The following ABCA12 variants were observed in gnomAD, a reference collection of about 807,000 sequenced individuals.
The protein encoded by ABCA12 is glucosylceramide transporter ABCA12.
In ABCA12, 156 loss-of-function variants were observed where a neutral mutation model predicts 293.5. The observed-to-expected ratio is 0.53, with a 90% CI of 0.47 to 0.61. The LOEUF (loss-of-function observed/expected upper bound fraction) is 0.61. ABCA12 is among the 20% of genes least tolerant of loss of function. ABCA12 has a pLI of 0.00. For synonymous variants in ABCA12, 1,063 were observed against 1,108.0 expected (o/e 0.96, Z 0.81); for missense variants, 2,797 against 3,090.2 (o/e 0.91, Z 2.25).
At chr2:214,960,327 A>G (rs1023657768) in intron 39 of ABCA12, 3 of 152,104 alleles carry the variant, frequency 2.0e-5, no homozygotes, top group African/African-American at 7.2e-5. Context: ...CTCTACTTAA[A>G]CCCTAATGGT....
At chr2:215,134,257 T>A (rs1422671911) in intron 1 of ABCA12, among the ~76,000 whole-genome samples, 1 of 148,660 alleles carries the variant, frequency 6.7e-6, no homozygotes, top group Non-Finnish European at 1.5e-5. Context: ...TATATGTATA[T>A]ATGTACATAT....
intron 48 of ABCA12, among the ~76,000 whole-genome samples, chr2:214,945,914 T>G (rs1698567237): frequency 6.6e-6 from 1 of 152,130 alleles, no homozygotes; most frequent in African/African-American, 2.4e-5. Flanking sequence ...TAATGGTTAC[T>G]GGAGGCTGGA....
chr2:215,127,393 T>C (rs907312040), intron 1 of ABCA12, among the ~76,000 whole-genome samples: 1 of 152,204 alleles, frequency 6.6e-6, no homozygotes, highest in Non-Finnish European at 1.5e-5. Context: ...AGTGGAGTAC[T>C]GAAGTCCCCC....
chr2:214,934,197 G>C lies in ABCA12; in HGVS notation c.7561C>G (p.Leu2521Val). ...TYLKDQHLSMLEYHVPVTAGG... is the reference protein window; with the variant it reads ...TYLKDQHLSMVEYHVPVTAGG... ...GCTGTGACTGGTACATGATACTCTA[G>C]CATGCTGAGGTGCTGATCCTGTGGG... Residue 2521 changes from leucine to valine, a missense_variant, in exon 52 of 53, where the codon CTA becomes GTA. Physicochemically the swap from Leu to Val is conservative, Grantham distance 32 (BLOSUM62 1). This residue lies in a region of ABCA12 where 2,130 missense variants were observed against 2,427.0 expected (regional missense o/e 0.88). Transcript: ENST00000272895. 1 of 1,613,702 alleles carries C rather than the reference G, an allele frequency of 6.2e-7. No individual in the cohort carries two copies. The highest frequency in any genetic ancestry group is 8.5e-7 in the Non-Finnish European group (1 of 1,179,736).
chr2:215,101,761 T>G (rs550176300), intron 2 of ABCA12, among the ~76,000 whole-genome samples: 1 of 152,128 alleles, frequency 6.6e-6, no homozygotes, highest in South Asian at 2.1e-4. Flanking sequence ...GAAAAGAAAA[T>G]GGAGGATTGA....
Position 214,978,447 on chromosome 2 carries a change from T to C in ABCA12, c.4997A>G (p.Lys1666Arg). 4.3e-6 allele frequency: 7 copies of C among 1,613,734 alleles called. No homozygotes were observed. The highest frequency in any genetic ancestry group is 5.9e-6 in the Non-Finnish European group (7 of 1,179,810). Reference sequence around the variant, plus strand: ...CATAGCACTATTTTTTTGTGACTCTTTGGTCAAGTTCAGAAAGACCTAGAA... The same window carrying C: ...CATAGCACTATTTTTTTGTGACTCTCTGGTCAAGTTCAGAAAGACCTAGAA... The part of the protein sequence containing the change: ...TVEEVFLNLT[K>R]ESQKNSAMSL... Residue 1666 changes from lysine to arginine, a missense_variant, in exon 33 of 53, where the codon AAA becomes AGA. By Grantham distance (26) the Lys-to-Arg change is conservative. Around this residue, in one of 3 missense-constraint regions of ABCA12, gnomAD observed 2,130 missense variants for 2,427.0 expected, o/e 0.88. Transcript: ENST00000272895.
chr2:215,129,297 T>C (rs1323663952), intron 1 of ABCA12, among the ~76,000 whole-genome samples: 1 of 152,180 alleles, frequency 6.6e-6, no homozygotes, highest in African/African-American at 2.4e-5. Flanking sequence ...AGCAGTCCAC[T>C]TCCTTCAGAA....
intron 18 of ABCA12, among the ~76,000 whole-genome samples, chr2:215,009,553 T>C (rs543757804): frequency 1.3e-5 from 2 of 152,266 alleles, no homozygotes; most frequent in African/African-American, 4.8e-5. Context: ...TAGGAATATA[T>C]AGTCAGTAAA....
chr2:215,070,044 C>T (rs998209480), intron 2 of ABCA12, among the ~76,000 whole-genome samples: 2 of 152,144 alleles, frequency 1.3e-5, no homozygotes, highest in South Asian at 2.1e-4. Flanking sequence ...TTATGTTTAT[C>T]GTTTGTAGGA....
intron 29 of ABCA12, 63 bp from the exon 30 acceptor site, chr2:214,982,446 A>G (rs1302157329): frequency 7.2e-7 from 1 of 1,393,250 alleles, no homozygotes; most frequent in Non-Finnish European, 1.0e-6. Context: ...CTGGAAACAT[A>G]CAATAACCCT....
chr2:215,004,099 G>C, intron 20 of ABCA12, 110 bp downstream of exon 20: 2 of 891,132 alleles, frequency 2.2e-6, no homozygotes, highest in Non-Finnish European at 1.8e-6. Context: ...TGAGTAGCTA[G>C]CTACAAACTA....
In ABCA12 at chr2:214,974,185, AC is replaced by A. The variant is rs1253072579; in HGVS notation, c.5469-144del. On this transcript the variant is annotated intron_variant, in intron 35 of 52. Coordinates refer to ENST00000272895, the MANE Select transcript of ABCA12 (RefSeq NM_173076.3). ...TACTGATTTTTCATAACTTCAGTGT[AC>A]ATTGCTCCACCATTTCCAAATGATT... The A allele has an allele frequency of 2.0e-5, 15 of 766,362 alleles. No individual in the cohort carries two copies. In the Admixed American group the frequency reaches 3.1e-4, roughly 16 times the overall value. The allele number at this position is 766,362 out of a possible 1,614,324, so 47.5% of individuals were successfully genotyped here. A position where few individuals can be genotyped will look rare whatever the true frequency, so the allele number is the denominator to read the frequency against.
At chr2:215,054,813 A>G (rs945580803) in intron 3 of ABCA12, 149 bp from the exon 4 acceptor site, 10 of 641,728 alleles carry the variant, frequency 1.6e-5, no homozygotes, top group South Asian at 1.0e-4. Flanking sequence ...TCACCTAACC[A>G]CACACCAATG....
intron 2 of ABCA12, among the ~76,000 whole-genome samples, chr2:215,083,039 A>G (rs1467932164): frequency 6.6e-6 from 1 of 152,194 alleles, no homozygotes; most frequent in Non-Finnish European, 1.5e-5. Flanking sequence ...CCACGAAGTC[A>G]TTCTGTATAT....
At chr2:215,077,514 G>C (rs1374270622) in intron 2 of ABCA12, among the ~76,000 whole-genome samples, 4 of 152,012 alleles carry the variant, frequency 2.6e-5, no homozygotes, top group Admixed American at 2.6e-4. Context: ...TCTTCCTGAG[G>C]GGTAGAGCTA....
chr2:214,950,979 A>T lies in ABCA12; in HGVS notation c.6752T>A (p.Phe2251Tyr). 2 of 1,614,132 alleles carry T rather than the reference A, an allele frequency of 1.2e-6. No homozygotes were observed. The highest frequency in any genetic ancestry group is 4.5e-5 in the East Asian group (2 of 44,870). The change falls in exon 45 of 53, where the codon TTT becomes TAT. Residue 2251 changes from phenylalanine (F) to tyrosine (Y), a missense_variant. This residue lies in a region of ABCA12 where 2,130 missense variants were observed against 2,427.0 expected (regional missense o/e 0.88). Transcript: ENST00000272895. ...GAGACAATAAAGTTGGACCAAGTCA[A>T]ATTCAGCTGCACCACTCTCAACTCT... is the stretch of plus-strand genomic sequence containing the variant. ...RLRVESGAAE[F>Y]DLVQLYCLTK...
chr2:215,000,865 G>A lies in ABCA12; in HGVS notation c.3019C>T (p.Pro1007Ser). The change falls in exon 22 of 53, where the codon CCA becomes TCA. Residue 1007 changes from proline to serine, a missense_variant. Pro to Ser is a moderately conservative substitution (Grantham distance 74). This residue lies in a region of ABCA12 where 2,130 missense variants were observed against 2,427.0 expected (regional missense o/e 0.88). Coordinates refer to ENST00000272895, the MANE Select transcript of ABCA12 (RefSeq NM_173076.3). ...SLRTKIWAPG[P>S]HNSPSHNQIY... The stretch of plus-strand genomic sequence containing the variant: ...TGGTTGTGTGATGGAGAATTGTGTG[G>A]CCCTGGAGCCCAAATCTTGGTTCTT... 6.2e-7 allele frequency: 1 copy of A among 1,614,124 alleles called. No homozygotes were observed. Among genetic ancestry groups the A allele is most frequent in the Non-Finnish European group, 8.5e-7 (1 of 1,180,008 alleles).
intron 39 of ABCA12, among the ~76,000 whole-genome samples, chr2:214,959,349 C>T (rs1699047649): frequency 6.6e-6 from 1 of 152,032 alleles, no homozygotes; most frequent in South Asian, 2.1e-4. Context: ...TTGCATTTCT[C>T]TCTAGTGTGT....
chr2:214,973,315 AT>A (rs768625152), intron 36 of ABCA12, among the ~76,000 whole-genome samples: 115 of 152,322 alleles, frequency 7.5e-4, no homozygotes, highest in Admixed American at 2.7e-3. Flanking sequence ...ATTGCAAGAA[AT>A]TTAGTTGGCA....
Sources: gnomAD v4.1 joint callset for allele counts (sites outside exome capture counted in the v4.1 genomes callset) on GRCh38, gnomAD v4.1.1 for gene constraint, gnomAD v4.1.1 regional missense constraint, MANE v1.5 for transcripts, NCBI Gene and HGNC (gene_info 2026-07-23, HGNC 2026-07-21) for gene names.